CIROZ: variants seen among roughly 807,000 people sequenced by gnomAD.
The protein encoded by CIROZ is ciliated left-right organizer ZP-N domains-containing protein.
At chr1:10,948,601 A>C in the CIROZ span, 37 of 1,613,988 alleles carry the variant, frequency 2.3e-5, no homozygotes, top group South Asian at 4.1e-4. Context: ...GCATCTGAGG[A>C]CACGGGCAGG....
the CIROZ span, chr1:10,956,947 C>A: frequency 7.7e-7 from 1 of 1,306,926 alleles, no homozygotes; most frequent in South Asian, 1.4e-5. Flanking sequence ...GAATAAGGTG[C>A]CCAGAGGAGG....
At chr1:10,954,941 G>A in the CIROZ span, 1 of 1,530,898 alleles carries the variant, frequency 6.5e-7, no homozygotes, top group Non-Finnish European at 8.9e-7. Flanking sequence ...CAAAGGAGAA[G>A]GGCCTCAGGA....
chr1:10,980,606 G>A, the CIROZ span, among the ~76,000 whole-genome samples: 84 of 152,358 alleles, frequency 5.5e-4, no homozygotes, highest in African/African-American at 1.7e-3. Flanking sequence ...CTCTGGTGCT[G>A]AGTCCCGGCC....
At chr1:10,954,666 G>T in the CIROZ span, among the ~76,000 whole-genome samples, 3 of 152,020 alleles carry the variant, frequency 2.0e-5, no homozygotes, top group African/African-American at 7.2e-5. Flanking sequence ...TTGAGACAGG[G>T]TCTCACTCCC....
the CIROZ span, among the ~76,000 whole-genome samples, chr1:10,975,285 A>G: frequency 1.3e-5 from 2 of 152,142 alleles, no homozygotes; most frequent in South Asian, 2.1e-4. Context: ...TCATGCCTAT[A>G]ATCCCAGCTA....
the CIROZ span, among the ~76,000 whole-genome samples, chr1:10,969,595 A>G: frequency 6.6e-6 from 1 of 152,180 alleles, no homozygotes; most frequent in African/African-American, 2.4e-5. Flanking sequence ...CCACTTGTTC[A>G]TTCAACAAAT....
the CIROZ span, chr1:10,957,161 G>T: frequency 7.0e-7 from 1 of 1,425,114 alleles, no homozygotes; most frequent in Non-Finnish European, 9.5e-7. Flanking sequence ...CCTTCCAGAT[G>T]CAGACTCCCT....
chr1:10,968,466 C>A, the CIROZ span, among the ~76,000 whole-genome samples: 1 of 152,224 alleles, frequency 6.6e-6, no homozygotes, highest in Non-Finnish European at 1.5e-5. Context: ...GCAGCTTCCA[C>A]CGCTATCTTT....
At chr1:10,966,877 G>A in the CIROZ span, among the ~76,000 whole-genome samples, 468 of 152,072 alleles carry the variant, frequency 3.1e-3, 18 homozygotes, top group East Asian at 0.082. Flanking sequence ...GGCCAGGCAC[G>A]GTGGCTCACA....
chr1:10,948,735 G>A, the CIROZ span: 3 of 1,548,844 alleles, frequency 1.9e-6, no homozygotes, highest in African/African-American at 1.4e-5. Context: ...TGCTTCCCCT[G>A]GGGGAGGCTG....
At chr1:10,972,420 T>TACAAACACAC in the CIROZ span, among the ~76,000 whole-genome samples, 181 of 131,794 alleles carry the variant, frequency 1.4e-3, 1 homozygote, top group African/African-American at 5.2e-3. Context: ...GTCTCTGAAA[T>TACAAACACAC]ACACACACAC....
chr1:10,978,521 C>A, the CIROZ span, among the ~76,000 whole-genome samples: 1 of 151,776 alleles, frequency 6.6e-6, no homozygotes, highest in Admixed American at 6.6e-5. Context: ...CCAGCCTGGG[C>A]AAAATAGCAA....
At chr1:10,955,095 C>T in the CIROZ span, 3 of 1,614,088 alleles carry the variant, frequency 1.9e-6, no homozygotes, top group Non-Finnish European at 1.7e-6. Flanking sequence ...ATCTGAGGCT[C>T]AGGGTTTCCT....
the CIROZ span, chr1:10,955,141 T>C: frequency 3.7e-6 from 6 of 1,612,878 alleles, no homozygotes; most frequent in East Asian, 1.3e-4. Context: ...ACCCAGTCTC[T>C]GCTTGGGGAT....
At chr1:10,960,357 T>C in the CIROZ span, among the ~76,000 whole-genome samples, 2 of 152,028 alleles carry the variant, frequency 1.3e-5, no homozygotes, top group Non-Finnish European at 2.9e-5. This position sits in a 1 kb window ranked among gnomAD's most constrained non-coding sequence, Gnocchi z 4.6. Context: ...TGAACTGAGA[T>C]TGTCCCACTC....
At chr1:10,969,942 C>G in the CIROZ span, 38 of 1,510,744 alleles carry the variant, frequency 2.5e-5, no homozygotes, top group Non-Finnish European at 3.3e-5. Flanking sequence ...CCAGCAAAGA[C>G]CCCGCCCAGC....
the CIROZ span, among the ~76,000 whole-genome samples, chr1:10,960,714 C>T: frequency 2.0e-5 from 3 of 152,264 alleles, no homozygotes; most frequent in African/African-American, 7.2e-5. The surrounding 1 kb of genome is among the most constrained non-coding windows in gnomAD (Gnocchi z 4.6). Context: ...GGGCACCCTG[C>T]GCCATCAGCG....
the CIROZ span, chr1:10,970,149 GAAGGAAGA>G: frequency 1.4e-6 from 2 of 1,404,880 alleles, no homozygotes; most frequent in East Asian, 2.5e-5. Flanking sequence ...AGGAAGGAAG[GAAGGAAGA>G]AAGGAAGGAA....
chr1:10,959,866 G>A, the CIROZ span, among the ~76,000 whole-genome samples: 1 of 152,342 alleles, frequency 6.6e-6, no homozygotes, highest in East Asian at 1.9e-4. This position sits in a 1 kb window ranked among gnomAD's most constrained non-coding sequence, Gnocchi z 4.3. Context: ...TCAGCCCTGT[G>A]ATGGCCTTGC....
Sources: gnomAD v4.1 joint callset for allele counts (sites outside exome capture counted in the v4.1 genomes callset) on GRCh38, gnomAD v4.1.1 for gene constraint, Gnocchi (gnomAD v3.1) non-coding constraint, MANE v1.5 for transcripts, NCBI Gene and HGNC (gene_info 2026-07-23, HGNC 2026-07-21) for gene names.